The following DPY19L3 variants were observed in gnomAD, a reference collection of about 807,000 sequenced individuals.
DPY19L3 encodes the protein protein C-mannosyl-transferase DPY19L3.
DPY19L3 carries 51 observed loss-of-function variants against 92.3 expected under a neutral mutation model. The ratio of observed to expected loss-of-function variants is 0.55; its 90% CI spans 0.44 to 0.70. The LOEUF (loss-of-function observed/expected upper bound fraction) is 0.70. DPY19L3 is among the 30% of genes least tolerant of loss of function. The probability of loss-of-function intolerance (pLI) is 0.00; values close to 1 mark genes in which losing one functional copy is unlikely to be tolerated. For missense variants in DPY19L3, 706 were observed against 855.9 expected (o/e 0.82, Z 2.18); for synonymous variants, 309 against 315.2 (o/e 0.98, Z 0.21).
chr19:32,464,847 A>G (rs1280890974), intron 15 of DPY19L3, 63 bp downstream of exon 15: 7 of 1,181,620 alleles, frequency 5.9e-6, no homozygotes, highest in South Asian at 1.7e-5. Flanking sequence ...CTTTGATTCA[A>G]TATATTTTGT....
intron 1 of DPY19L3, 58 bp from the exon 2 acceptor site, chr19:32,408,159 G>C (rs1968045824): frequency 1.2e-6 from 1 of 835,962 alleles, no homozygotes; most frequent in Admixed American, 2.2e-5. Flanking sequence ...GCATGGATGA[G>C]CACGGGGTGT....
At chr19:32,464,381 T>A (rs1287427267) in intron 14 of DPY19L3, among the ~76,000 whole-genome samples, 3 of 152,200 alleles carry the variant, frequency 2.0e-5, no homozygotes, top group Admixed American at 6.5e-5. Context: ...ACTCCATAAA[T>A]TCACTAGGTG....
intron 8 of DPY19L3, among the ~76,000 whole-genome samples, chr19:32,446,483 AAC>A (rs1288932357): frequency 5.9e-5 from 9 of 152,210 alleles, no homozygotes; most frequent in Non-Finnish European, 1.3e-4. Context: ...ACACACTTCA[AAC>A]ACAACAATAT....
intron 1 of DPY19L3, 131 bp downstream of exon 1, chr19:32,406,040 C>T (rs996355725): frequency 6.6e-6 from 1 of 151,036 alleles, no homozygotes; most frequent in Non-Finnish European, 1.5e-5. Context: ...AGTCGGGGGG[C>T]GCGGCCGCGG....
At chr19:32,431,302 TG>T (rs1315153115) in intron 3 of DPY19L3, among the ~76,000 whole-genome samples, 1 of 151,476 alleles carries the variant, frequency 6.6e-6, no homozygotes, top group African/African-American at 2.4e-5. Context: ...CGCTTGAACC[TG>T]GAAGTTGGAG....
Position 32,482,329 on chromosome 19 carries a change from A to C in DPY19L3, c.*89A>C, listed in dbSNP as rs1970699569. ...GATGACGTTTCCTATGTAAGTAGGT[A>C]GCCCAAACCTTCAAGCTGTGATATG... is the stretch of plus-strand genomic sequence containing the variant. On this transcript the variant is annotated 3_prime_UTR_variant, in exon 19 of 19. Transcript: ENST00000392250. The C allele has an allele frequency of 2.7e-6, 4 of 1,461,154 alleles. No homozygotes were observed. In the African/African-American group the frequency reaches 5.7e-5, roughly 21 times the overall value. 90.5% of individuals were successfully genotyped at this position (1,461,154 alleles called of 1,614,324 possible).
At chr19:32,408,964 A>G (rs1391950104) in intron 2 of DPY19L3, among the ~76,000 whole-genome samples, 1 of 152,204 alleles carries the variant, frequency 6.6e-6, no homozygotes, top group Non-Finnish European at 1.5e-5. Context: ...AAAAGTTAAC[A>G]TGAAAATCTT....
chr19:32,474,315 A>C (rs1970440551), intron 16 of DPY19L3, among the ~76,000 whole-genome samples: 1 of 152,014 alleles, frequency 6.6e-6, no homozygotes, highest in Non-Finnish European at 1.5e-5. Context: ...GCTTCATTCC[A>C]TTTTTTCTTT....
chr19:32,463,262 T>TAGAAAA, intron 12 of DPY19L3, 104 bp from the exon 13 acceptor site: 1 of 1,255,730 alleles, frequency 8.0e-7, no homozygotes, highest in Non-Finnish European at 1.1e-6. Flanking sequence ...ATAATCAATT[T>TAGAAAA]CTGAATACAT....
chr19:32,449,656 A>C (rs1599641638), intron 8 of DPY19L3, among the ~76,000 whole-genome samples: 1 of 152,330 alleles, frequency 6.6e-6, no homozygotes, highest in East Asian at 1.9e-4. Context: ...GGGTGTGAAG[A>C]TAACTAAATG....
At chr19:32,458,680 A>C (rs953217554) in intron 12 of DPY19L3, among the ~76,000 whole-genome samples, 171 bp downstream of exon 12, 4 of 152,210 alleles carry the variant, frequency 2.6e-5, no homozygotes, top group Admixed American at 2.6e-4. Context: ...AGGAGACAAC[A>C]GAGTAATGAT....
rs143307344 is a variant in DPY19L3, at chr19:32,465,358, A to G, written c.1614+574A>G. Among the ~76,000 whole-genome samples the G allele has an allele frequency of 2.0e-4, 30 of 152,316 alleles. No individual in the cohort carries two copies. In the East Asian group the frequency reaches 4.6e-3, roughly 24 times the overall value. ...TTCAGAGAATTTCTTATCAGAGACAATGATCATTGGTCAGGTTGACTGTGG... is the reference window on the plus strand; with the variant it reads ...TTCAGAGAATTTCTTATCAGAGACAGTGATCATTGGTCAGGTTGACTGTGG... On this transcript the variant is annotated intron_variant, in intron 15 of 18. Transcript: ENST00000392250.
rs1329030442 is a variant in DPY19L3 at position 32,447,762 on chromosome 19, TAGA to T, written c.856-5382_856-5380del. Among the ~76,000 whole-genome samples the T allele has an allele frequency of 1.5e-3, 214 of 147,104 alleles. 1 individual carries two copies. The highest frequency in any genetic ancestry group is 3.2e-3 in the East Asian group (16 of 4,986). ...ATAGATAGATAGATAGATAGATAGA[TAGA>T]TAGATAGATAGATTAGATAAGATAC... On this transcript the variant is annotated intron_variant, in intron 8 of 18. Transcript: ENST00000392250.
chr19:32,412,834 G>A (rs960753936), intron 3 of DPY19L3: 1 of 152,044 alleles, frequency 6.6e-6, no homozygotes, highest in African/African-American at 2.4e-5. Context: ...GGAGGCTGAG[G>A]CACAAGAATC....
intron 3 of DPY19L3, among the ~76,000 whole-genome samples, chr19:32,423,485 G>A (rs1469706777): frequency 2.7e-5 from 4 of 145,462 alleles, no homozygotes; most frequent in African/African-American, 7.7e-5. Context: ...GGCTGGTCTC[G>A]AACTCCTGAG....
intron 15 of DPY19L3, chr19:32,467,512 A>G: frequency 2.0e-6 from 2 of 987,552 alleles, no homozygotes; most frequent in Non-Finnish European, 2.4e-6. Flanking sequence ...ATCACTAGCA[A>G]TTTTCCTGAT....
intron 3 of DPY19L3, among the ~76,000 whole-genome samples, chr19:32,414,075 G>A (rs1287159528): frequency 6.6e-6 from 1 of 151,996 alleles, no homozygotes; most frequent in Non-Finnish European, 1.5e-5. Context: ...TTGAGGTCAG[G>A]AGTTTGAGAC....
Position 32,484,039 on chromosome 19 carries a change from C to G in DPY19L3, c.*1799C>G, listed in dbSNP as rs1970739059. On this transcript the variant is annotated 3_prime_UTR_variant, in exon 19 of 19. Transcript: ENST00000392250. ...ATATTCCTGTATGTATTCATCTAAGCATTTGGGCATTTGGAGTCTTAATAT... is the reference window on the plus strand; with the variant it reads ...ATATTCCTGTATGTATTCATCTAAGGATTTGGGCATTTGGAGTCTTAATAT... 6.6e-6 allele frequency: 1 copy of G among 152,498 alleles called. No individual in the cohort carries two copies. Among genetic ancestry groups the G allele is most frequent in the Non-Finnish European group, 1.5e-5 (1 of 68,014 alleles). 9.4% of individuals were successfully genotyped at this position (152,498 alleles called of 1,614,324 possible).
chr19:32,472,484 C>T (rs1385225158), intron 16 of DPY19L3, among the ~76,000 whole-genome samples: 1 of 152,006 alleles, frequency 6.6e-6, no homozygotes, highest in East Asian at 1.9e-4. Flanking sequence ...TCATATTTAC[C>T]CTTCTCTGCT....
Sources: gnomAD v4.1 joint callset for allele counts (sites outside exome capture counted in the v4.1 genomes callset) on GRCh38, gnomAD v4.1.1 for gene constraint, MANE v1.5 for transcripts, NCBI Gene and HGNC (gene_info 2026-07-23, HGNC 2026-07-21) for gene names.